Variants in PHLDB2 observed in about 807,000 individuals in gnomAD.
PHLDB2 encodes the protein pleckstrin homology like domain family B member 2.
Under a neutral mutation model 123.6 loss-of-function variants are expected in PHLDB2, and 71 were observed. The observed-to-expected ratio is 0.57, with a 90% CI of 0.47 to 0.70. The LOEUF is 0.70. Among genes scored for constraint, PHLDB2 ranks in the 30% least tolerant of loss-of-function variants. The pLI is 0.00. For synonymous variants in PHLDB2, 547 were observed against 541.6 expected (o/e 1.01, Z -0.14); for missense variants, 1,446 against 1,519.5 (o/e 0.95, Z 0.80).
At chr3:111,899,082 T>C (rs2067042674) in intron 2 of PHLDB2, among the ~76,000 whole-genome samples, 1 of 152,206 alleles carries the variant, frequency 6.6e-6, no homozygotes, top group Admixed American at 6.5e-5. Context: ...TCACTACCTA[T>C]GGCAACTATA....
At chr3:111,967,591 G>C in intron 14 of PHLDB2, 87 bp from the exon 15 acceptor site, 12 of 1,354,912 alleles carry the variant, frequency 8.9e-6, no homozygotes, top group Non-Finnish European at 1.2e-5. Context: ...GATTTGTCTA[G>C]TAAGAATTGT....
At chr3:111,765,909 CAT>C (rs2060072362) in intron 1 of PHLDB2, among the ~76,000 whole-genome samples, 1 of 151,514 alleles carries the variant, frequency 6.6e-6, no homozygotes, top group Non-Finnish European at 1.5e-5. Flanking sequence ...CACACATACA[CAT>C]ACACACATAC....
chr3:111,915,014 A>G (rs910248311), intron 3 of PHLDB2: 17 of 152,352 alleles, frequency 1.1e-4, no homozygotes, highest in African/African-American at 3.8e-4. Flanking sequence ...AATGAAAGAT[A>G]TAAATTTTAT....
chr3:111,962,197 A>G lies in PHLDB2; in HGVS notation c.2962A>G (p.Ser988Gly), dbSNP rs763733724. 15 of 1,582,310 alleles carry G rather than the reference A, an allele frequency of 9.5e-6. No individual in the cohort carries two copies. The South Asian group carries it at 1.4e-4, about 15-fold the overall frequency. ...TASESNVYLN[S>G]FHYPDHSYKD... ...ATCTGAATCAAATGTCTACTTGAAT[A>G]GTTTCCATTATCCAGATCACAGCTA... Residue 988 changes from serine to glycine, a missense_variant, in exon 13 of 18, where the codon AGT becomes GGT. By Grantham distance (56) the Ser-to-Gly change is moderately conservative (BLOSUM62 0). Coordinates refer to ENST00000431670, the MANE Select transcript of PHLDB2 (RefSeq NM_001134438.2).
At chr3:111,740,502 C>T (rs2059584657) in intron 1 of PHLDB2, among the ~76,000 whole-genome samples, 1 of 152,168 alleles carries the variant, frequency 6.6e-6, no homozygotes, top group South Asian at 2.1e-4. Context: ...TGACTTTCTG[C>T]TTTACTCCAC....
At chr3:111,876,480 A>G (rs2065625356) in intron 1 of PHLDB2, among the ~76,000 whole-genome samples, 1 of 152,234 alleles carries the variant, frequency 6.6e-6, no homozygotes, top group African/African-American at 2.4e-5. Context: ...AATAACACAT[A>G]TTTTATATGT....
At chr3:111,932,219 T>TG in intron 5 of PHLDB2, 50 bp from the exon 6 acceptor site, 1 of 1,537,292 alleles carries the variant, frequency 6.5e-7, no homozygotes, top group Non-Finnish European at 8.8e-7. Context: ...AGCACCTGCT[T>TG]GGGGGTGTGA....
rs376727397 is a variant in PHLDB2, at chr3:111,845,845, T to C, written c.-24T>C. The C allele has an allele frequency of 4.0e-5, 64 of 1,614,044 alleles. No homozygotes were observed. The Middle Eastern group carries it at 4.4e-3, about 112-fold the overall frequency. On this transcript the variant is annotated 5_prime_UTR_variant, in exon 2 of 18. Coordinates refer to the PHLDB2 transcript ENST00000393923. ...GGCTGGCACTGATCCCAGTTTATCC[T>C]TTGAGATTCAGCAGAAGATCCTGAT...
intron 5 of PHLDB2, among the ~76,000 whole-genome samples, chr3:111,926,215 G>A (rs1189473783): frequency 1.3e-5 from 2 of 152,176 alleles, no homozygotes; most frequent in Non-Finnish European, 2.9e-5. Context: ...ACTTCCTAAT[G>A]TTTCTACAGT....
At chr3:111,774,808 C>T (rs541281693) in intron 1 of PHLDB2, among the ~76,000 whole-genome samples, 1 of 152,100 alleles carries the variant, frequency 6.6e-6, no homozygotes, top group African/African-American at 2.4e-5. Context: ...TGATCCAGCT[C>T]TTTTGTCAAC....
intron 8 of PHLDB2, among the ~76,000 whole-genome samples, chr3:111,942,316 A>G (rs1465118290): frequency 6.6e-6 from 1 of 152,244 alleles, no homozygotes; most frequent in East Asian, 1.9e-4. Flanking sequence ...ACTTTTTTCT[A>G]GAAATTGACA....
chr3:111,756,701 C>A (rs2059896495), intron 1 of PHLDB2, among the ~76,000 whole-genome samples: 1 of 152,102 alleles, frequency 6.6e-6, no homozygotes, highest in Non-Finnish European at 1.5e-5. Flanking sequence ...ATGATGTTAG[C>A]TGGTTATTTT....
At chr3:111,905,398 A>C (rs968732942) in intron 2 of PHLDB2, among the ~76,000 whole-genome samples, 1 of 152,224 alleles carries the variant, frequency 6.6e-6, no homozygotes, top group East Asian at 1.9e-4. Flanking sequence ...TCATTGTCAC[A>C]CAGGCTGGAG....
At chr3:111,745,780 G>GAAAGAAAAGA (rs371101134) in intron 1 of PHLDB2, among the ~76,000 whole-genome samples, 3 of 138,472 alleles carry the variant, frequency 2.2e-5, no homozygotes, top group African/African-American at 7.6e-5. Flanking sequence ...AAAAAAGAAA[G>GAAAGAAAAGA]AAAGAAAAGA....
chr3:111,899,991 C>T (rs2067097023), intron 2 of PHLDB2, among the ~76,000 whole-genome samples: 1 of 152,206 alleles, frequency 6.6e-6, no homozygotes, highest in Non-Finnish European at 1.5e-5. Context: ...TCAGCATATT[C>T]TGTTTCACTT....
intron 2 of PHLDB2, among the ~76,000 whole-genome samples, chr3:111,849,854 C>A (rs905392217): frequency 6.6e-6 from 1 of 151,926 alleles, no homozygotes; most frequent in Non-Finnish European, 1.5e-5. Context: ...TTATATGGAG[C>A]TGGAGGCCAT....
intron 2 of PHLDB2, among the ~76,000 whole-genome samples, chr3:111,851,682 C>T (rs1006680961): frequency 6.6e-6 from 1 of 152,148 alleles, no homozygotes. Context: ...CCTACATAGC[C>T]GCTGGCTCTT....
intron 1 of PHLDB2, among the ~76,000 whole-genome samples, chr3:111,840,786 T>A (rs558953601): frequency 6.6e-6 from 1 of 152,318 alleles, no homozygotes; most frequent in East Asian, 1.9e-4. Flanking sequence ...TGACAAGATG[T>A]CTATACAGAC....
At chr3:111,860,091 T>C (rs2064746576) in intron 1 of PHLDB2, among the ~76,000 whole-genome samples, 1 of 151,874 alleles carries the variant, frequency 6.6e-6, no homozygotes, top group Non-Finnish European at 1.5e-5. Flanking sequence ...TCCAGAGTGA[T>C]TGTAGAAAAC....
Sources: gnomAD v4.1 joint callset for allele counts (sites outside exome capture counted in the v4.1 genomes callset) on GRCh38, gnomAD v4.1.1 for gene constraint, MANE v1.5 for transcripts, NCBI Gene and HGNC (gene_info 2026-07-23, HGNC 2026-07-21) for gene names.